Variants in ARFGAP3 observed in about 807,000 individuals in gnomAD.
The protein encoded by ARFGAP3 is ARF GTPase activating protein 3.
A neutral mutation model predicts 75.0 loss-of-function variants in ARFGAP3; 72 were observed. That is an observed-to-expected ratio of 0.96 (90% CI 0.79 to 1.17). The LOEUF (loss-of-function observed/expected upper bound fraction) is 1.17, where lower values mean the gene tolerates loss of function less well. Among genes scored for constraint, ARFGAP3 ranks in the 50% most tolerant of loss-of-function variants. The pLI is 0.00. For synonymous variants in ARFGAP3, 221 were observed against 217.9 expected (o/e 1.01, Z -0.13); for missense variants, 620 against 626.6 (o/e 0.99, Z 0.11).
intron 5 of ARFGAP3, 111 bp downstream of exon 5, chr22:42,834,131 C>T: frequency 1.0e-6 from 1 of 973,018 alleles, no homozygotes; most frequent in Non-Finnish European, 1.6e-6. Context: ...AGTTATGTTT[C>T]AGCACTTCTT....
At chr22:42,825,104 A>AAC (rs1396307501) in intron 7 of ARFGAP3, among the ~76,000 whole-genome samples, 3 of 152,348 alleles carry the variant, frequency 2.0e-5, no homozygotes, top group Non-Finnish European at 2.9e-5. Context: ...CAAACAAACA[A>AAC]ACAAAAAACA....
At chr22:42,802,581 C>T (rs1924919579) in intron 14 of ARFGAP3, among the ~76,000 whole-genome samples, 1 of 151,334 alleles carries the variant, frequency 6.6e-6, no homozygotes, top group South Asian at 2.1e-4. Flanking sequence ...GCGAGAGCCA[C>T]CGCGCCTGGC....
chr22:42,814,627 G>A (rs1310591816), intron 11 of ARFGAP3, among the ~76,000 whole-genome samples: 1 of 152,204 alleles, frequency 6.6e-6, no homozygotes, highest in African/African-American at 2.4e-5. Flanking sequence ...GCCCCACAGG[G>A]GCCTGTCAGT....
At chr22:42,811,400 A>G (rs906197184) in intron 11 of ARFGAP3, among the ~76,000 whole-genome samples, 1 of 152,232 alleles carries the variant, frequency 6.6e-6, no homozygotes, top group African/African-American at 2.4e-5. Context: ...TTTAAATGTT[A>G]TCTACCACAG....
At chr22:42,824,126 T>TCCTG (rs916390895) in intron 7 of ARFGAP3, among the ~76,000 whole-genome samples, 2 of 148,154 alleles carry the variant, frequency 1.3e-5, no homozygotes, top group Non-Finnish European at 3.0e-5. Context: ...CACTTCAGCC[T>TCCTG]CCTGAGTAGT....
rs765465737 is a variant in ARFGAP3, at chr22:42,840,950, A to G, written c.255T>C (p.Ala85=). 1 of 1,614,104 alleles carries G rather than the reference A, an allele frequency of 6.2e-7. No homozygotes were observed. Residue 85 remains alanine (A), a synonymous_variant, in exon 3 of 16, where the codon GCT becomes GCC. Coordinates refer to ENST00000263245, the MANE Select transcript of ARFGAP3 (RefSeq NM_014570.5). The part of the protein sequence containing the change: ...QLRCMQVGGN[A]SASSFFHQHG... ...GAGTTTGAGATGAACTTACTGCACT[A>G]GCGTTTCCTCCGACTTGCATGCATC...
intron 1 of ARFGAP3, among the ~76,000 whole-genome samples, chr22:42,849,913 G>A (rs1248238244): frequency 4.6e-5 from 7 of 152,036 alleles, no homozygotes; most frequent in Non-Finnish European, 8.8e-5. Flanking sequence ...CATGGTAAAC[G>A]CACAATAAGT....
intron 3 of ARFGAP3, among the ~76,000 whole-genome samples, chr22:42,836,686 G>A (rs926587230): frequency 6.6e-6 from 1 of 152,102 alleles, no homozygotes; most frequent in East Asian, 1.9e-4. Flanking sequence ...AAACCTATAC[G>A]AGTGATCCTT....
chr22:42,831,709 G>A (rs1258244096), intron 5 of ARFGAP3, 73 bp from the exon 6 acceptor site: 3 of 1,597,756 alleles, frequency 1.9e-6, no homozygotes, highest in Non-Finnish European at 1.7e-6. Flanking sequence ...CAAAGCACGG[G>A]AAAAACCTAA....
chr22:42,826,813 T>C (rs1405501955), intron 7 of ARFGAP3, 127 bp downstream of exon 7: 4 of 620,636 alleles, frequency 6.4e-6, no homozygotes, highest in Middle Eastern at 4.3e-4. Flanking sequence ...TAAAATCTTA[T>C]TAACAGATTC....
chr22:42,850,387 C>T (rs112916768), intron 1 of ARFGAP3, among the ~76,000 whole-genome samples: 2,930 of 151,798 alleles, frequency 0.019, 104 homozygotes, highest in African/African-American at 0.068. Flanking sequence ...GCCTGGGCAA[C>T]ATGGCGAAAC....
intron 2 of ARFGAP3, among the ~76,000 whole-genome samples, chr22:42,844,524 G>A (rs912270780): frequency 1.3e-5 from 2 of 151,394 alleles, no homozygotes; most frequent in Non-Finnish European, 2.9e-5. Flanking sequence ...GGCGGAGGTT[G>A]CAGTGAGCTG....
chr22:42,802,574 A>T (rs1354751429), intron 14 of ARFGAP3, among the ~76,000 whole-genome samples: 31 of 137,390 alleles, frequency 2.3e-4, no homozygotes, highest in Middle Eastern at 9.0e-3. Flanking sequence ...ATTACAGGCG[A>T]GAGCCACCGC....
At chr22:42,829,301 T>C (rs939599434) in intron 6 of ARFGAP3, among the ~76,000 whole-genome samples, 12 of 152,160 alleles carry the variant, frequency 7.9e-5, no homozygotes, top group Non-Finnish European at 1.3e-4. Context: ...ACAAATGCAG[T>C]TGTGACTGGG....
At chr22:42,847,169 C>CTTTT in intron 2 of ARFGAP3, 1 of 163,864 alleles carries the variant, frequency 6.1e-6, no homozygotes, top group Non-Finnish European at 1.3e-5. Flanking sequence ...TTCTTTCTTT[C>CTTTT]TTTTTTTTTT....
At chr22:42,802,371 C>T (rs183358310) in intron 14 of ARFGAP3, among the ~76,000 whole-genome samples, 5 of 151,820 alleles carry the variant, frequency 3.3e-5, no homozygotes, top group Non-Finnish European at 7.4e-5. Flanking sequence ...CTGCAAGCTC[C>T]GCCTCCCAGG....
chr22:42,852,123 C>T (rs1010881846), intron 1 of ARFGAP3, among the ~76,000 whole-genome samples: 3 of 149,838 alleles, frequency 2.0e-5, no homozygotes, highest in South Asian at 2.1e-4. Context: ...GATATGATCT[C>T]GACTCACTTC....
chr22:42,837,675 C>CTTTTTTTTTTTTT lies in ARFGAP3; in HGVS notation c.262-2195_262-2183dup, dbSNP rs71186547. On this transcript the variant is annotated intron_variant, in intron 3 of 15. Transcript: ENST00000263245. ...GCCTTGAAACATCTAAGGCATACTT[C>CTTTTTTTTTTTTT]TTTTTTTTTTTTTTTTTTTTTTGAG... Among the ~76,000 whole-genome samples the CTTTTTTTTTTTTT allele has an allele frequency of 8.0e-3, 602 of 75,642 alleles. 88 individuals are homozygous for CTTTTTTTTTTTTT. The highest frequency in any genetic ancestry group is 0.043 in the East Asian group (70 of 1,628). The allele number at this position is 75,642 out of a possible 152,430, so 49.6% of individuals were successfully genotyped here.
Position 42,817,285 on chromosome 22 carries a change from T to C in ARFGAP3, c.942-21A>G, listed in dbSNP as rs773968024. ...TAACACTTGAGAAAACAGAAAAATA[T>C]ATATATCAGTAAGTTCACAAACTTT... On this transcript the variant is annotated intron_variant, in intron 10 of 15. Transcript: ENST00000263245. 10 of 1,573,912 alleles carry C rather than the reference T, an allele frequency of 6.4e-6. No homozygotes were observed. The Admixed American group carries it at 1.3e-4, about 20-fold the overall frequency.
Sources: allele counts gnomAD v4.1 joint callset (sites outside exome capture counted in the v4.1 genomes callset), GRCh38; gene constraint gnomAD v4.1.1; transcripts MANE v1.5; gene names NCBI Gene and HGNC (gene_info 2026-07-23, HGNC 2026-07-21).